Variants in EPHA6 observed in about 807,000 individuals in gnomAD.
EPHA6 encodes ephrin type-A receptor 6.
In EPHA6, 50 loss-of-function variants were observed where a neutral mutation model predicts 112.0. The observed-to-expected ratio is 0.45, with a 90% CI of 0.36 to 0.56. The LOEUF is 0.56. EPHA6 is among the 20% of genes least tolerant of loss of function. The pLI is 0.00. For missense variants in EPHA6, 1,280 were observed against 1,417.4 expected, an observed-to-expected ratio of 0.90 and a Z score of 1.56; for synonymous variants, 529 against 490.7, an observed-to-expected ratio of 1.08 and a Z score of -1.03.
At chr3:97,139,482 T>G (rs932288679) in intron 3 of EPHA6, among the ~76,000 whole-genome samples, 1 of 151,988 alleles carries the variant, frequency 6.6e-6, no homozygotes, top group African/African-American at 2.4e-5. Context: ...CCCCATCTCT[T>G]TAGCAGAAAA....
intron 1 of EPHA6, among the ~76,000 whole-genome samples, chr3:96,866,067 C>T (rs2036291813): frequency 6.6e-6 from 1 of 151,940 alleles, no homozygotes; most frequent in Non-Finnish European, 1.5e-5. Flanking sequence ...TGATTGAAAC[C>T]CCCTCATCCT....
chr3:96,879,704 C>T (rs977846373), intron 2 of EPHA6, among the ~76,000 whole-genome samples: 4 of 152,062 alleles, frequency 2.6e-5, no homozygotes, highest in South Asian at 2.1e-4. Context: ...TAGTTCTTCT[C>T]GTAGAGGTCT....
chr3:97,237,904 A>G (rs1297689079), intron 4 of EPHA6, among the ~76,000 whole-genome samples: 1 of 151,902 alleles, frequency 6.6e-6, no homozygotes, highest in Non-Finnish European at 1.5e-5. Flanking sequence ...TCATTATTTT[A>G]TTTATATTTA....
At chr3:97,472,495 C>A in intron 7 of EPHA6, among the ~76,000 whole-genome samples, 1 of 151,580 alleles carries the variant, frequency 6.6e-6, no homozygotes, top group East Asian at 1.9e-4. Flanking sequence ...TGAAGACATA[C>A]GCTAGAGCCA....
At chr3:97,573,110 A>T (rs1316711170) in intron 11 of EPHA6, among the ~76,000 whole-genome samples, 1 of 152,234 alleles carries the variant, frequency 6.6e-6, no homozygotes. Flanking sequence ...CTTAGTAAAG[A>T]ATAATGCTAA....
At chr3:96,835,670 G>A (rs1358041121) in intron 1 of EPHA6, among the ~76,000 whole-genome samples, 1 of 151,996 alleles carries the variant, frequency 6.6e-6, no homozygotes, top group Non-Finnish European at 1.5e-5. Flanking sequence ...CTTGACCCCG[G>A]CTGCATATCA....
intron 16 of EPHA6, among the ~76,000 whole-genome samples, chr3:97,736,468 AGAGTGTGTGTGTGT>A (rs985433520): frequency 2.7e-5 from 3 of 109,542 alleles, no homozygotes; most frequent in Admixed American, 9.1e-5. Context: ...AGAGAGAGAG[AGAGTGTGTGTGTGT>A]GTGTGTGTGT....
At chr3:97,059,512 A>G (rs1258956585) in intron 3 of EPHA6, among the ~76,000 whole-genome samples, 3 of 151,988 alleles carry the variant, frequency 2.0e-5, no homozygotes, top group Non-Finnish European at 4.4e-5. Context: ...TATTATCATC[A>G]AAGGTATTGT....
chr3:96,837,185 A>G (rs563870058), intron 1 of EPHA6, among the ~76,000 whole-genome samples: 80 of 152,232 alleles, frequency 5.3e-4, no homozygotes, highest in African/African-American at 1.9e-3. Flanking sequence ...CTAGAAACAG[A>G]TGGACATAGC....
intron 5 of EPHA6, among the ~76,000 whole-genome samples, chr3:97,351,875 T>C (rs1386573728): frequency 6.6e-6 from 1 of 152,192 alleles, no homozygotes; most frequent in East Asian, 1.9e-4. Flanking sequence ...ATAGCTATTA[T>C]ATTATTGGTT....
intron 3 of EPHA6, among the ~76,000 whole-genome samples, chr3:97,135,740 TAAA>T (rs58000616): frequency 1.7e-5 from 2 of 119,700 alleles, no homozygotes; most frequent in Non-Finnish European, 1.8e-5. Context: ...ATGGCAAGAT[TAAA>T]AAAAAAAAAA....
chr3:97,745,406 A>T (rs1237788146), intron 16 of EPHA6: 1 of 451,954 alleles, frequency 2.2e-6, no homozygotes, highest in Admixed American at 2.4e-5. Context: ...AACAGCCCAC[A>T]ATCAAAATAA....
chr3:97,757,449 G>T lies in EPHA6; in HGVS notation c.*8748G>T, dbSNP rs1202789952. Among the ~76,000 whole-genome samples, 4 of 151,518 alleles carry T rather than the reference G, an allele frequency of 2.6e-5. No individual in the cohort carries two copies. Among genetic ancestry groups the T allele is most frequent in the African/African-American group, 9.7e-5 (4 of 41,356 alleles). Reference sequence around the variant, plus strand: ...AACATTTCCATATTATTAATCCTTTGTTTTCCAAGACATATATAATCAAAG... The same window carrying T: ...AACATTTCCATATTATTAATCCTTTTTTTTCCAAGACATATATAATCAAAG... On this transcript the variant is annotated 3_prime_UTR_variant, in exon 18 of 18. Transcript: ENST00000389672.
At chr3:97,339,117 G>T (rs1032863846) in intron 5 of EPHA6, among the ~76,000 whole-genome samples, 1 of 152,144 alleles carries the variant, frequency 6.6e-6, no homozygotes, top group Non-Finnish European at 1.5e-5. Context: ...CCTGACTTAG[G>T]TAACAGCCAC....
At chr3:97,236,385 G>A (rs955551722) in intron 4 of EPHA6, among the ~76,000 whole-genome samples, 2 of 151,862 alleles carry the variant, frequency 1.3e-5, no homozygotes, top group Non-Finnish European at 2.9e-5. Context: ...AAAATCCCAT[G>A]GTCTTAGCAC....
chr3:97,088,163 G>C (rs2046959653), intron 3 of EPHA6, among the ~76,000 whole-genome samples: 1 of 152,036 alleles, frequency 6.6e-6, no homozygotes, highest in African/African-American at 2.4e-5. Flanking sequence ...CCTGGTGACA[G>C]AGCAAGACTC....
rs62262845 is a variant in EPHA6 at position 97,733,840 on chromosome 3, C to T, written c.2935-2085C>T. On this transcript the variant is annotated intron_variant, in intron 15 of 17. Transcript: ENST00000389672. ...ACATTGAAGTCCAAATAGCAGATGCCATGACAAAAGATAGCATGGTAATCA... is the reference window on the plus strand; with the variant it reads ...ACATTGAAGTCCAAATAGCAGATGCTATGACAAAAGATAGCATGGTAATCA... Among the ~76,000 whole-genome samples the T allele has an allele frequency of 2.6e-3, 391 of 152,080 alleles. 3 individuals are homozygous for T. The highest frequency in any genetic ancestry group is 0.019 in the South Asian group (91 of 4,830).
intron 5 of EPHA6, among the ~76,000 whole-genome samples, chr3:97,282,709 C>A (rs2080327515): frequency 6.6e-6 from 1 of 152,034 alleles, no homozygotes; most frequent in Non-Finnish European, 1.5e-5. Flanking sequence ...AAGCTGGAAG[C>A]CATTATCTTC....
intron 3 of EPHA6, among the ~76,000 whole-genome samples, chr3:97,216,205 G>C (rs2078030333): frequency 6.6e-6 from 1 of 152,170 alleles, no homozygotes; most frequent in African/African-American, 2.4e-5. Context: ...AATTATGGTA[G>C]AAGGAGAAGC....
Sources: gnomAD v4.1 joint callset for allele counts (sites outside exome capture counted in the v4.1 genomes callset) on GRCh38, gnomAD v4.1.1 for gene constraint, MANE v1.5 for transcripts, NCBI Gene and HGNC (gene_info 2026-07-23, HGNC 2026-07-21) for gene names.